The following PDLIM1 variants were observed in gnomAD, a reference collection of about 807,000 sequenced individuals.
The protein encoded by PDLIM1 is PDZ and LIM domain protein 1.
Under a neutral mutation model 35.2 loss-of-function variants are expected in PDLIM1, and 25 were observed. The observed-to-expected ratio is 0.71, with a 90% confidence interval of 0.52 to 0.99. PDLIM1 has a LOEUF of 0.99. PDLIM1 is among the 50% of genes least tolerant of loss of function. The pLI is 0.00. For synonymous variants in PDLIM1, 152 were observed against 154.0 expected (o/e 0.99, Z 0.10); for missense variants, 363 against 415.3 (o/e 0.87, Z 1.09).
chr10:95,239,322 T>C (rs2035154296), intron 5 of PDLIM1, among the ~76,000 whole-genome samples: 1 of 152,084 alleles, frequency 6.6e-6, no homozygotes, highest in Non-Finnish European at 1.5e-5. Context: ...CGAAAAGCAA[T>C]TGTAACAAAA....
In PDLIM1 at chr10:95,238,527, A is replaced by G. The variant is rs1244348652; in HGVS notation, c.803+41T>C. The G allele has an allele frequency of 3.2e-6, 4 of 1,237,476 alleles. No individual in the cohort carries two copies. In the South Asian group the frequency reaches 4.8e-5, roughly 15 times the overall value. The allele number at this position is 1,237,476 out of a possible 1,614,324, so 76.7% of individuals were successfully genotyped here. A position where few individuals can be genotyped will look rare whatever the true frequency, so the allele number is the denominator to read the frequency against. ...TTTCCACATTTTCATGGTTTACCCA[A>G]CCTGCAGGGTCTGCAAAGGCTGTGG... On this transcript the variant is annotated intron_variant, in intron 6 of 6. Coordinates refer to ENST00000329399, the MANE Select transcript of PDLIM1 (RefSeq NM_020992.4).
chr10:95,240,119 C>T (rs911954263), intron 5 of PDLIM1, among the ~76,000 whole-genome samples: 2 of 152,124 alleles, frequency 1.3e-5, no homozygotes, highest in Non-Finnish European at 2.9e-5. Context: ...CCATTCAGCC[C>T]AGCAATCCCA....
intron 4 of PDLIM1, 66 bp from the exon 5 acceptor site, chr10:95,247,432 C>T: frequency 7.6e-7 from 1 of 1,320,658 alleles, no homozygotes; most frequent in Non-Finnish European, 1.1e-6. Context: ...CACCAGGAAC[C>T]TCCTCCAGGC....
chr10:95,278,994 T>C (rs967558924), intron 1 of PDLIM1, among the ~76,000 whole-genome samples: 1 of 152,230 alleles, frequency 6.6e-6, no homozygotes. Flanking sequence ...TGGCTCAAGA[T>C]TGAAAGCTAG....
chr10:95,261,328 T>C (rs1279397396), intron 4 of PDLIM1, among the ~76,000 whole-genome samples: 1 of 152,226 alleles, frequency 6.6e-6, no homozygotes. Flanking sequence ...GATCATGGAA[T>C]ATTCCACTCT....
At chr10:95,271,583 A>G (rs1039963581) in intron 2 of PDLIM1, 50 bp downstream of exon 2, 5 of 1,525,006 alleles carry the variant, frequency 3.3e-6, no homozygotes, top group Non-Finnish European at 4.4e-6. Flanking sequence ...CCTGCCCACA[A>G]ACAGCTTCTA....
intron 1 of PDLIM1, among the ~76,000 whole-genome samples, chr10:95,285,497 G>A (rs1219766606): frequency 1.3e-5 from 2 of 152,190 alleles, no homozygotes; most frequent in Non-Finnish European, 2.9e-5. Flanking sequence ...AAGTGAGTCT[G>A]CCTGGCTTCA....
At chr10:95,257,603 T>C (rs2035328148) in intron 4 of PDLIM1, among the ~76,000 whole-genome samples, 7 of 152,182 alleles carry the variant, frequency 4.6e-5, no homozygotes. Flanking sequence ...CAAAATGAGA[T>C]ATCACCTCAC....
At chr10:95,250,668 C>T (rs1261287788) in intron 4 of PDLIM1, among the ~76,000 whole-genome samples, 1 of 152,148 alleles carries the variant, frequency 6.6e-6, no homozygotes, top group Non-Finnish European at 1.5e-5. Context: ...ATAATACACA[C>T]CACTCAGTCT....
chr10:95,285,727 T>C (rs1291129201), intron 1 of PDLIM1, among the ~76,000 whole-genome samples: 1 of 152,196 alleles, frequency 6.6e-6, no homozygotes, highest in African/African-American at 2.4e-5. Context: ...CACTGCTATA[T>C]GATGCAGGCA....
chr10:95,254,859 G>T (rs2035296807), intron 4 of PDLIM1, among the ~76,000 whole-genome samples: 1 of 152,142 alleles, frequency 6.6e-6, no homozygotes, highest in Non-Finnish European at 1.5e-5. Flanking sequence ...GGCAGAGGTT[G>T]CAGTGAGCCA....
intron 3 of PDLIM1, among the ~76,000 whole-genome samples, chr10:95,266,992 A>G (rs1681984616): frequency 6.6e-6 from 1 of 152,210 alleles, no homozygotes; most frequent in African/African-American, 2.4e-5. Context: ...ACATGAACCA[A>G]CAGATCTTTT....
Position 95,263,943 on chromosome 10 carries a change from A to G in PDLIM1, c.454T>C (p.Ser152Pro), listed in dbSNP as rs748687862. 2.5e-6 allele frequency: 4 copies of G among 1,613,856 alleles called. No homozygotes were observed. Among genetic ancestry groups the G allele is most frequent in the Admixed American group, 1.7e-5 (1 of 60,004 alleles). The change falls in exon 4 of 7, where the codon TCT (serine) becomes CCT (proline). Residue 152 changes from serine to proline, a missense_variant. Ser to Pro is a moderately conservative substitution (Grantham distance 74). Coordinates refer to ENST00000329399, the MANE Select transcript of PDLIM1 (RefSeq NM_020992.4). ...TTGAAGTTGGAGATATTTTCAGAAGAGTAGAGGCCAGCTGGGTTGTTGTAC... is the reference window on the plus strand; with the variant it reads ...TTGAAGTTGGAGATATTTTCAGAAGGGTAGAGGCCAGCTGGGTTGTTGTAC... ...NQYNNPAGLYSSENISNFNNA... is the reference protein window; with the variant it reads ...NQYNNPAGLYPSENISNFNNA...
chr10:95,237,905 C>T lies in PDLIM1; in HGVS notation c.*20G>A, dbSNP rs141924690. 3.7e-6 allele frequency: 6 copies of T among 1,608,034 alleles called. No individual in the cohort carries two copies. In the South Asian group the frequency reaches 5.5e-5, roughly 15 times the overall value. On this transcript the variant is annotated 3_prime_UTR_variant, in exon 7 of 7. Coordinates refer to ENST00000329399, the MANE Select transcript of PDLIM1 (RefSeq NM_020992.4). ...GCTGCAGCAGAGGCCTGCTGGAGAA[C>T]AGTGGTCAGATCTGCTGGCTCACTT... is the stretch of plus-strand genomic sequence containing the variant.
At chr10:95,275,820 G>C (rs2035506293) in intron 1 of PDLIM1, among the ~76,000 whole-genome samples, 1 of 152,144 alleles carries the variant, frequency 6.6e-6, no homozygotes, top group Admixed American at 6.5e-5. Context: ...GGACAAGCTA[G>C]AACCAGTCTT....
At chr10:95,282,875 T>C (rs2035572546) in intron 1 of PDLIM1, among the ~76,000 whole-genome samples, 1 of 152,112 alleles carries the variant, frequency 6.6e-6, no homozygotes. Context: ...ACCCAGGAGA[T>C]GGAGGTTGCA....
chr10:95,285,357 C>T (rs1284951899), intron 1 of PDLIM1, among the ~76,000 whole-genome samples: 1 of 152,178 alleles, frequency 6.6e-6, no homozygotes, highest in Non-Finnish European at 1.5e-5. Flanking sequence ...AGTGTCTTAT[C>T]CCTCATGTTG....
intron 4 of PDLIM1, among the ~76,000 whole-genome samples, chr10:95,261,040 C>T (rs2035357937): frequency 6.6e-6 from 1 of 152,146 alleles, no homozygotes; most frequent in Admixed American, 6.5e-5. Context: ...GAAACAGGAC[C>T]CTCTCTGCTG....
Position 95,287,224 on chromosome 10 carries a change from C to A in PDLIM1, c.96+3596G>T, listed in dbSNP as rs185624788. Among the ~76,000 whole-genome samples the A allele has an allele frequency of 1.2e-4, 18 of 152,304 alleles. 1 individual carries two copies. Among genetic ancestry groups the A allele is most frequent in the African/African-American group, 4.3e-4 (18 of 41,566 alleles). ...TTTCACAGACCAAGGGCATGCAGCACAATGGCCATTAAAACATAATGACCC... is the reference window on the plus strand; with the variant it reads ...TTTCACAGACCAAGGGCATGCAGCAAAATGGCCATTAAAACATAATGACCC... On this transcript the variant is annotated intron_variant, in intron 1 of 6. Coordinates refer to ENST00000329399, the MANE Select transcript of PDLIM1 (RefSeq NM_020992.4).
Sources: gnomAD v4.1 joint callset for allele counts (sites outside exome capture counted in the v4.1 genomes callset) on GRCh38, gnomAD v4.1.1 for gene constraint, MANE v1.5 for transcripts, NCBI Gene and HGNC (gene_info 2026-07-23, HGNC 2026-07-21) for gene names.